CEBPE: variants seen among roughly 807,000 people sequenced by gnomAD.
CEBPE encodes the protein CCAAT enhancer binding protein epsilon.
A neutral mutation model predicts 20.4 loss-of-function variants in CEBPE; 10 were observed. That is an observed-to-expected ratio of 0.49 (90% confidence interval 0.30 to 0.83). CEBPE has a LOEUF of 0.83. CEBPE is among the 40% of genes least tolerant of loss of function. CEBPE has a pLI of 0.06. For synonymous variants in CEBPE, 179 were observed against 162.6 expected, an observed-to-expected ratio of 1.10 and a Z score of -0.77; for missense variants, 389 against 383.3, an observed-to-expected ratio of 1.01 and a Z score of -0.12.
Position 23,117,681 on chromosome 14 carries a change from C to A in CEBPE, c.652G>T (p.Val218Leu). Residue 218 changes from valine (V) to leucine (L), a missense_variant, in exon 2 of 2, where the codon GTG (valine) becomes TTG (leucine). Physicochemically the swap from Val to Leu is conservative, Grantham distance 32. Transcript: ENST00000206513. The stretch of plus-strand genomic sequence containing the variant: ...TTGGCCTTGTCTCGGCTCTTGCGCA[C>A]GGCGATGTTGTTGCGCTCCCGCCTC... ...RLRRERNNIA[V>L]RKSRDKAKRR... The A allele has an allele frequency of 6.2e-7, 1 of 1,614,194 alleles. No homozygotes were observed. Among genetic ancestry groups the A allele is most frequent in the Non-Finnish European group, 8.5e-7 (1 of 1,180,036 alleles).
In CEBPE at chr14:23,118,510, G is replaced by A. The variant is rs45577839; in HGVS notation, c.510+72C>T. On this transcript the variant is annotated intron_variant, in intron 1 of 1. Coordinates refer to ENST00000206513, the MANE Select transcript of CEBPE (RefSeq NM_001805.4). The surrounding 1 kb of genome is among the most constrained non-coding windows in gnomAD (Gnocchi z 5.5). ...AAGCACAGGCTCAGCAGCATGAGCC[G>A]GGGCACAGGGTCCTGTCCACACCAG... 7,677 of 1,510,770 alleles carry A rather than the reference G, an allele frequency of 5.1e-3. 101 individuals are homozygous for A. The African/African-American group carries it at 0.051, about 10-fold the overall frequency. 93.6% of individuals were successfully genotyped at this position (1,510,770 alleles called of 1,614,324 possible).
Position 23,119,169 on chromosome 14 carries a change from T to G in CEBPE, c.-78A>C. On this transcript the variant is annotated 5_prime_UTR_variant, in exon 1 of 2. Coordinates refer to ENST00000206513, the MANE Select transcript of CEBPE (RefSeq NM_001805.4). ...TGGGGTGCTCCGGCTGCCCTCTCTC[T>G]ACCTCCTCCTGACCTGGGCCTGCCC... 2 of 963,252 alleles carry G rather than the reference T, an allele frequency of 2.1e-6. No homozygotes were observed. Among genetic ancestry groups the G allele is most frequent in the Non-Finnish European group, 3.1e-6 (2 of 635,942 alleles). The allele number at this position is 963,252 out of a possible 1,614,324, so 59.7% of individuals were successfully genotyped here.
chr14:23,117,931 T>A, intron 1 of CEBPE, 109 bp from the exon 2 acceptor site: 1 of 780,762 alleles, frequency 1.3e-6, no homozygotes, highest in Non-Finnish European at 2.0e-6. Context: ...GTCAAAGGAA[T>A]ACAGGACTCA....
chr14:23,119,202 A>ACC lies in CEBPE; in HGVS notation c.-112_-111insGG. 2 of 736,480 alleles carry ACC rather than the reference A, an allele frequency of 2.7e-6. No homozygotes were observed. The highest frequency in any genetic ancestry group is 2.3e-5 in the Admixed American group (1 of 43,388). The allele number at this position is 736,480 out of a possible 1,614,324, so 45.6% of individuals were successfully genotyped here. A position where few individuals can be genotyped will look rare whatever the true frequency, so the allele number is the denominator to read the frequency against. The stretch of plus-strand genomic sequence containing the variant: ...CCTGACCTGGGCCTGCCCTCTCTCG[A>ACC]TCTTCTGCCCTAGACCTGCCCTCTG... On this transcript the variant is annotated 5_prime_UTR_variant, in exon 1 of 2. Coordinates refer to ENST00000206513, the MANE Select transcript of CEBPE (RefSeq NM_001805.4).
At position 23,117,810 on chromosome 14, in the gene CEBPE, T is replaced by G. The variant is rs1555377770; in HGVS notation, c.523A>C (p.Thr175Pro). The change falls in exon 2 of 2, where the codon ACT becomes CCT. Residue 175 changes from threonine to proline, a missense_variant. Thr to Pro is a conservative substitution (Grantham distance 38, BLOSUM62 -1). This residue lies in a region of CEBPE where 294 missense variants were observed against 279.7 expected (regional missense o/e 1.05). Coordinates refer to ENST00000206513, the MANE Select transcript of CEBPE (RefSeq NM_001805.4). The stretch of plus-strand genomic sequence containing the variant: ...AGGGGACTGCAGGGGGGTGCGGCAG[T>G]GGCCAAAGGGGCCTGGAGGGGAAGG... ...PLRVLKAPLA[T>P]AAPPCSPLLK... 1 of 1,602,438 alleles carries G rather than the reference T, an allele frequency of 6.2e-7. No homozygotes were observed. The highest frequency in any genetic ancestry group is 8.5e-7 in the Non-Finnish European group (1 of 1,174,546).
Position 23,118,132 on chromosome 14 carries a change from C to T in CEBPE, c.511-310G>A, listed in dbSNP as rs939376719. Reference sequence around the variant, plus strand: ...CTGGTCTCCAACCCCTGGCCTTAAGCGAACCTCCTGCTTTGGCCTCCCAAA... The same window carrying T: ...CTGGTCTCCAACCCCTGGCCTTAAGTGAACCTCCTGCTTTGGCCTCCCAAA... On this transcript the variant is annotated intron_variant, in intron 1 of 1. Coordinates refer to ENST00000206513, the MANE Select transcript of CEBPE (RefSeq NM_001805.4). This position sits in a 1 kb window ranked among gnomAD's most constrained non-coding sequence, Gnocchi z 5.5. Among the ~76,000 whole-genome samples the T allele has an allele frequency of 2.0e-5, 3 of 152,118 alleles. No homozygotes were observed. Among genetic ancestry groups the T allele is most frequent in the African/African-American group, 7.2e-5 (3 of 41,434 alleles).
Position 23,118,489 on chromosome 14 carries a change from A to T in CEBPE, c.510+93T>A. On this transcript the variant is annotated intron_variant, in intron 1 of 1. Coordinates refer to ENST00000206513, the MANE Select transcript of CEBPE (RefSeq NM_001805.4). The surrounding 1 kb of genome is among the most constrained non-coding windows in gnomAD (Gnocchi z 5.5). ...TCCATTTCACAGAGCGACACCAAGC[A>T]CAGGCTCAGCAGCATGAGCCGGGGC... 1 of 1,448,628 alleles carries T rather than the reference A, an allele frequency of 6.9e-7. No homozygotes were observed. Among genetic ancestry groups the T allele is most frequent in the Non-Finnish European group, 9.2e-7 (1 of 1,084,236 alleles). 89.7% of individuals were successfully genotyped at this position (1,448,628 alleles called of 1,614,324 possible). A position where few individuals can be genotyped will look rare whatever the true frequency, so the allele number is the denominator to read the frequency against.
chr14:23,117,502 C>G lies in CEBPE; in HGVS notation c.831G>C (p.Val277=). The G allele has an allele frequency of 6.2e-7, 1 of 1,612,752 alleles. No homozygotes were observed. The highest frequency in any genetic ancestry group is 8.5e-7 in the Non-Finnish European group (1 of 1,179,708). ...CCAGCCAGCCTCAGCTGCAACCCCC[C>G]ACGCCCTTGATGAGGTTGGCCGCCT... ...IPEAANLIKG[V]GGCS Residue 277 remains valine, a synonymous_variant, in exon 2 of 2, where the codon GTG becomes GTC. Transcript: ENST00000206513.
intron 1 of CEBPE, 88 bp from the exon 2 acceptor site, chr14:23,117,910 A>C: frequency 1.0e-6 from 1 of 981,128 alleles, no homozygotes; most frequent in Non-Finnish European, 1.5e-6. Context: ...CAGCCAGGGC[A>C]CACTTGATGC....
In CEBPE at chr14:23,118,879, G is replaced by T. The variant is rs759592746; in HGVS notation, c.213C>A (p.Gly71=). Residue 71 remains glycine, a synonymous_variant, in exon 1 of 2, where the codon GGC becomes GGA. Coordinates refer to ENST00000206513, the MANE Select transcript of CEBPE (RefSeq NM_001805.4). This position sits in a 1 kb window ranked among gnomAD's most constrained non-coding sequence, Gnocchi z 5.5. ...AGTGGGGGAAGGCAGGGGTTCCGGG[G>T]CCCTTGAGGCCTCTGGCCTCAGGCG... ...KPAPEARGLK[G]PGTPAFPHYL... The T allele has an allele frequency of 5.0e-6, 8 of 1,614,012 alleles. No individual in the cohort carries two copies. In the East Asian group the frequency reaches 1.6e-4, roughly 31 times the overall value.
chr14:23,118,803 G>A lies in CEBPE; in HGVS notation c.289C>T (p.Pro97Ser). 1 of 1,613,308 alleles carries A rather than the reference G, an allele frequency of 6.2e-7. No homozygotes were observed. Among genetic ancestry groups the A allele is most frequent in the Non-Finnish European group, 8.5e-7 (1 of 1,179,582 alleles). Reference protein sequence around the residue: ...PFAYPPHTFGPDRKALGPGIY... With the variant: ...PFAYPPHTFGSDRKALGPGIY... ...CCAGGCCCCAGCGCCTTCCTGTCTG[G>A]GCCGAAGGTATGTGGAGGGTAGGCA... Residue 97 changes from proline (P) to serine (S), a missense_variant, in exon 1 of 2, where the codon CCA becomes TCA. By Grantham distance (74) the Pro-to-Ser change is moderately conservative (BLOSUM62 -1). Coordinates refer to ENST00000206513, the MANE Select transcript of CEBPE (RefSeq NM_001805.4). The surrounding 1 kb of genome is among the most constrained non-coding windows in gnomAD (Gnocchi z 5.5).
In CEBPE at chr14:23,118,958, T is replaced by A; in HGVS notation, c.134A>T (p.Tyr45Phe). Residue 45 changes from tyrosine (Y) to phenylalanine (F), a missense_variant, in exon 1 of 2, where the codon TAC becomes TTC. Physicochemically the swap from Tyr to Phe is conservative, Grantham distance 22 (BLOSUM62 3). Coordinates refer to ENST00000206513, the MANE Select transcript of CEBPE (RefSeq NM_001805.4). This position sits in a 1 kb window ranked among gnomAD's most constrained non-coding sequence, Gnocchi z 5.5. ...AAGCTGCTCTTCCCCAGACTCGATG[T>A]AGGCGGAGAGGTCAATGGAGGCCTC... ...EHEASIDLSA[Y>F]IESGEEQLLS... The A allele has an allele frequency of 6.2e-7, 1 of 1,613,986 alleles. No individual in the cohort carries two copies. Among genetic ancestry groups the A allele is most frequent in the Non-Finnish European group, 8.5e-7 (1 of 1,179,960 alleles).
In CEBPE at chr14:23,119,109, G is replaced by A. The variant is rs1342134629; in HGVS notation, c.-18C>T. 5 of 1,479,588 alleles carry A rather than the reference G, an allele frequency of 3.4e-6. No individual in the cohort carries two copies. The highest frequency in any genetic ancestry group is 4.5e-6 in the Non-Finnish European group (5 of 1,102,520). The allele number at this position is 1,479,588 out of a possible 1,614,324, so 91.7% of individuals were successfully genotyped here. A position where few individuals can be genotyped will look rare whatever the true frequency, so the allele number is the denominator to read the frequency against. Reference sequence around the variant, plus strand: ...TGGGACATGGCCGGCCCGCCCCCTCGGCTCCCCGCCCCCACCTGCTCTTGA... The same window carrying A: ...TGGGACATGGCCGGCCCGCCCCCTCAGCTCCCCGCCCCCACCTGCTCTTGA... On this transcript the variant is annotated 5_prime_UTR_variant, in exon 1 of 2. Transcript: ENST00000206513.
Position 23,118,963 on chromosome 14 carries a change from G to C in CEBPE, c.129C>G (p.Ser43=). ...GCTCTTCCCCAGACTCGATGTAGGC[G>C]GAGAGGTCAATGGAGGCCTCATGCT... The part of the protein sequence containing the change: ...MCEHEASIDL[S]AYIESGEEQL... Residue 43 remains serine, a synonymous_variant, in exon 1 of 2, where the codon TCC becomes TCG. Coordinates refer to ENST00000206513, the MANE Select transcript of CEBPE (RefSeq NM_001805.4). This position sits in a 1 kb window ranked among gnomAD's most constrained non-coding sequence, Gnocchi z 5.5. 6.2e-7 allele frequency: 1 copy of C among 1,613,994 alleles called. No individual in the cohort carries two copies. The highest frequency in any genetic ancestry group is 8.5e-7 in the Non-Finnish European group (1 of 1,179,982).
In CEBPE at chr14:23,118,451, A is replaced by G; in HGVS notation, c.510+131T>C. Reference sequence around the variant, plus strand: ...TCATGGTGGGGTGTGAACACAGAGGACTGTGGGTTGGGTCCATTTCACAGA... The same window carrying G: ...TCATGGTGGGGTGTGAACACAGAGGGCTGTGGGTTGGGTCCATTTCACAGA... On this transcript the variant is annotated intron_variant, in intron 1 of 1. Coordinates refer to ENST00000206513, the MANE Select transcript of CEBPE (RefSeq NM_001805.4). The surrounding 1 kb of genome is among the most constrained non-coding windows in gnomAD (Gnocchi z 5.5). 8.8e-7 allele frequency: 1 copy of G among 1,138,102 alleles called. No homozygotes were observed. Among genetic ancestry groups the G allele is most frequent in the South Asian group, 1.6e-5 (1 of 63,894 alleles). 70.5% of individuals were successfully genotyped at this position (1,138,102 alleles called of 1,614,324 possible).
At position 23,117,651 on chromosome 14, in the gene CEBPE, G is replaced by A; in HGVS notation, c.682C>T (p.Arg228Cys). The A allele has an allele frequency of 6.2e-7, 1 of 1,614,220 alleles. No homozygotes were observed. ...VRKSRDKAKR[R>C]ILETQQKVLE... ...ACCTTCTGCTGCGTCTCCAGAATGC[G>A]CCTCTTGGCCTTGTCTCGGCTCTTG... Residue 228 changes from arginine to cysteine, a missense_variant, in exon 2 of 2, where the codon CGC becomes TGC. Around this residue, in one of 3 missense-constraint regions of CEBPE, gnomAD observed 87 missense variants for 78.5 expected, o/e 1.11. Coordinates refer to ENST00000206513, the MANE Select transcript of CEBPE (RefSeq NM_001805.4).
Position 23,118,733 on chromosome 14 carries a change from A to C in CEBPE, c.359T>G (p.Val120Gly), listed in dbSNP as rs1355891915. 4 of 1,611,856 alleles carry C rather than the reference A, an allele frequency of 2.5e-6. No homozygotes were observed. The highest frequency in any genetic ancestry group is 2.5e-6 in the Non-Finnish European group (3 of 1,179,426). ...CTCTGGCCCCCGGGGCTCCTCCTTC[A>C]CCGCCACAGCCCTGGGGTCGTAGCT... ...PGSYDPRAVA[V>G]KEEPRGPEGS... Residue 120 changes from valine (V) to glycine (G), a missense_variant, in exon 1 of 2, where the codon GTG (valine) becomes GGG (glycine). Around this residue, in one of 3 missense-constraint regions of CEBPE, gnomAD observed 294 missense variants for 279.7 expected, o/e 1.05. Transcript: ENST00000206513. This position sits in a 1 kb window ranked among gnomAD's most constrained non-coding sequence, Gnocchi z 5.5.
Position 23,117,626 on chromosome 14 carries a change from A to T in CEBPE, c.707T>A (p.Val236Glu). 1.2e-6 allele frequency: 2 copies of T among 1,614,062 alleles called. No homozygotes were observed. Among genetic ancestry groups the T allele is most frequent in the Non-Finnish European group, 1.7e-6 (2 of 1,180,010 alleles). The part of the protein sequence containing the change: ...KRRILETQQK[V>E]LEYMAENERL... ...CTCGTTCTCTGCCATGTACTCCAGC[A>T]CCTTCTGCTGCGTCTCCAGAATGCG... is the stretch of plus-strand genomic sequence containing the variant. Residue 236 changes from valine to glutamate, a missense_variant, in exon 2 of 2, where the codon GTG becomes GAG. By Grantham distance (121) the Val-to-Glu change is moderately radical. Transcript: ENST00000206513.
In CEBPE at chr14:23,118,949, G is replaced by A. The variant is rs369075679; in HGVS notation, c.143C>T (p.Ser48Phe). 1 of 1,614,056 alleles carries A rather than the reference G, an allele frequency of 6.2e-7. No homozygotes were observed. The highest frequency in any genetic ancestry group is 8.5e-7 in the Non-Finnish European group (1 of 1,179,980). ...ATCGGAGAGAAGCTGCTCTTCCCCA[G>A]ACTCGATGTAGGCGGAGAGGTCAAT... ...ASIDLSAYIE[S>F]GEEQLLSDLF... Residue 48 changes from serine (S) to phenylalanine (F), a missense_variant, in exon 1 of 2, where the codon TCT becomes TTT. Physicochemically the swap from Ser to Phe is radical, Grantham distance 155. Transcript: ENST00000206513. The surrounding 1 kb of genome is among the most constrained non-coding windows in gnomAD (Gnocchi z 5.5).
Sources: allele counts gnomAD v4.1 joint callset (sites outside exome capture counted in the v4.1 genomes callset), GRCh38; gene constraint gnomAD v4.1.1; regional missense constraint gnomAD v4.1.1; non-coding constraint Gnocchi (gnomAD v3.1); transcripts MANE v1.5; gene names NCBI Gene and HGNC (gene_info 2026-07-23, HGNC 2026-07-21).